BOLA3: variants seen among roughly 807,000 people sequenced by gnomAD.
The protein encoded by BOLA3 is bolA-like protein 3.
Under a neutral mutation model 14.5 loss-of-function variants are expected in BOLA3, and 8 were observed. That is an observed-to-expected ratio of 0.55 (90% CI 0.32 to 0.99). The LOEUF is 0.99. Ranked by LOEUF, BOLA3 falls within the 50% of genes least tolerant of loss-of-function variation. The pLI is 0.04. For missense variants in BOLA3, 115 were observed against 138.2 expected, an observed-to-expected ratio of 0.83 and a Z score of 0.84; for synonymous variants, 42 against 45.7, an observed-to-expected ratio of 0.92 and a Z score of 0.33.
At chr2:74,139,200 G>A (rs555368806) in intron 3 of BOLA3, among the ~76,000 whole-genome samples, 4 of 152,310 alleles carry the variant, frequency 2.6e-5, no homozygotes, top group East Asian at 3.9e-4. Flanking sequence ...GCTCAGGAGG[G>A]ATGCCAGTAT....
chr2:74,147,746 C>G (rs1692573402), intron 1 of BOLA3, 75 bp downstream of exon 1: 1 of 1,478,064 alleles, frequency 6.8e-7, no homozygotes, highest in Admixed American at 2.0e-5. Context: ...CCTCAAGCCC[C>G]GACAGCCGCC....
chr2:74,143,617 G>A (rs1373027930), intron 2 of BOLA3, among the ~76,000 whole-genome samples: 2 of 152,094 alleles, frequency 1.3e-5, no homozygotes, highest in Non-Finnish European at 2.9e-5. Flanking sequence ...TTCAGGACCT[G>A]GTAACATCAA....
intron 3 of BOLA3, among the ~76,000 whole-genome samples, chr2:74,138,352 CAA>C (rs1558820512): frequency 6.6e-6 from 1 of 152,258 alleles, no homozygotes; most frequent in Admixed American, 6.5e-5. Context: ...AAGTCCAACA[CAA>C]ATGGGCTGAA....
At chr2:74,135,700 G>T in intron 3 of BOLA3, 42 bp from the exon 4 acceptor site, 1 of 1,298,152 alleles carries the variant, frequency 7.7e-7, no homozygotes, top group Non-Finnish European at 1.1e-6. Flanking sequence ...TGTATTTGAC[G>T]TTGATTACAG....
At chr2:74,140,092 T>C (rs991173071) in intron 3 of BOLA3, among the ~76,000 whole-genome samples, 1 of 152,212 alleles carries the variant, frequency 6.6e-6, no homozygotes, top group African/African-American at 2.4e-5. Context: ...GAGACCAGCC[T>C]GGCCAACATG....
chr2:74,140,296 G>A (rs1439064018), intron 3 of BOLA3, among the ~76,000 whole-genome samples: 1 of 152,040 alleles, frequency 6.6e-6, no homozygotes, highest in African/African-American at 2.4e-5. Flanking sequence ...GGAAAAAAAA[G>A]AAGTATATAT....
chr2:74,147,700 C>G (rs1407555262), intron 1 of BOLA3, 121 bp downstream of exon 1: 1 of 844,414 alleles, frequency 1.2e-6, no homozygotes, highest in Non-Finnish European at 1.9e-6. Context: ...AGGAGCCCCC[C>G]ATTGCCAGTG....
chr2:74,140,374 A>C (rs922729631), intron 3 of BOLA3, among the ~76,000 whole-genome samples: 1 of 152,248 alleles, frequency 6.6e-6, no homozygotes, highest in Admixed American at 6.5e-5. Flanking sequence ...ATACTAAAAC[A>C]TAATTTCCAT....
intron 1 of BOLA3, chr2:74,147,368 G>A: frequency 4.4e-6 from 1 of 227,592 alleles, no homozygotes; most frequent in South Asian, 5.4e-5. Flanking sequence ...AGTGCCCCCT[G>A]CTTGGGTTCT....
intron 2 of BOLA3, among the ~76,000 whole-genome samples, chr2:74,144,378 C>T (rs1172619339): frequency 6.6e-6 from 1 of 152,238 alleles, no homozygotes; most frequent in Non-Finnish European, 1.5e-5. Flanking sequence ...ACTTTCTCCT[C>T]AATCCTTGGA....
At chr2:74,143,816 A>AG (rs1692490837) in intron 2 of BOLA3, among the ~76,000 whole-genome samples, 4 of 150,138 alleles carry the variant, frequency 2.7e-5, no homozygotes, top group Admixed American at 2.7e-4. Flanking sequence ...CCTCCTGAGT[A>AG]GCTGGGATTA....
rs1343155116 is a variant in BOLA3, at chr2:74,147,829, T to C, written c.46A>G (p.Ile16Val). The C allele has an allele frequency of 3.9e-6, 6 of 1,528,270 alleles. No individual in the cohort carries two copies. Among genetic ancestry groups the C allele is most frequent in the East Asian group, 2.5e-5 (1 of 40,246 alleles). The allele number at this position is 1,528,270 out of a possible 1,614,324, so 94.7% of individuals were successfully genotyped here. A position where few individuals can be genotyped will look rare whatever the true frequency, so the allele number is the denominator to read the frequency against. ...ACCCTGCCCACGCTCACCCCGCGGATCCCGCGGAGGAGAGGCGCTGCCGCG... is the reference window on the plus strand; with the variant it reads ...ACCCTGCCCACGCTCACCCCGCGGACCCCGCGGAGGAGAGGCGCTGCCGCG... ...PAAAAPLLRG[I>V]RGLPLHHRMF... The change falls in exon 1 of 4, where the codon ATC (isoleucine) becomes GTC (valine). Residue 16 changes from isoleucine (I) to valine (V), a missense_variant. By Grantham distance (29) the Ile-to-Val change is conservative (BLOSUM62 3). Transcript: ENST00000327428.
chr2:74,141,113 C>T (rs1159654069), intron 3 of BOLA3, among the ~76,000 whole-genome samples: 1 of 152,216 alleles, frequency 6.6e-6, no homozygotes, highest in African/African-American at 2.4e-5. Context: ...GTCTTGTCTT[C>T]TGCCTTGATT....
chr2:74,135,890 C>A (rs1291234218), intron 3 of BOLA3, among the ~76,000 whole-genome samples: 1 of 151,890 alleles, frequency 6.6e-6, no homozygotes, highest in Non-Finnish European at 1.5e-5. Flanking sequence ...CTATACCTGT[C>A]CATCTCCCCA....
At chr2:74,141,064 C>T (rs2103647476) in intron 3 of BOLA3, among the ~76,000 whole-genome samples, 1 of 152,314 alleles carries the variant, frequency 6.6e-6, no homozygotes, top group Non-Finnish European at 1.5e-5. Context: ...ACCCAAAGTG[C>T]CACGGGTTGG....
intron 3 of BOLA3, among the ~76,000 whole-genome samples, chr2:74,138,415 G>A (rs190517874): frequency 6.6e-6 from 1 of 152,382 alleles, no homozygotes; most frequent in Admixed American, 6.5e-5. Context: ...CCTGCTTCCG[G>A]TGTTCGAGGT....
intron 2 of BOLA3, among the ~76,000 whole-genome samples, chr2:74,142,939 G>T (rs752411468): frequency 5.9e-5 from 9 of 152,156 alleles, no homozygotes; most frequent in South Asian, 2.1e-4. Flanking sequence ...CTGGCTTTTG[G>T]GGGGAGAACT....
At chr2:74,147,640 G>T (rs1427224796) in intron 1 of BOLA3, 181 bp downstream of exon 1, 3 of 678,942 alleles carry the variant, frequency 4.4e-6, no homozygotes, top group Non-Finnish European at 7.5e-6. Flanking sequence ...TTCGAATGCC[G>T]TTGTCGCTGA....
chr2:74,138,311 G>A (rs772654434), intron 3 of BOLA3, among the ~76,000 whole-genome samples: 3 of 152,262 alleles, frequency 2.0e-5, no homozygotes, highest in Non-Finnish European at 4.4e-5. Context: ...AGGAAAAGGC[G>A]TGGGAAAGTA....
Sources: allele counts gnomAD v4.1 joint callset (sites outside exome capture counted in the v4.1 genomes callset), GRCh38; gene constraint gnomAD v4.1.1; transcripts MANE v1.5; gene names NCBI Gene and HGNC (gene_info 2026-07-23, HGNC 2026-07-21).